SLF2: variants seen among roughly 807,000 people sequenced by gnomAD.
SLF2 encodes SMC5-SMC6 complex localization factor protein 2.
A neutral mutation model predicts 124.3 loss-of-function variants in SLF2; 68 were observed. That is an observed-to-expected ratio of 0.55 (90% CI 0.45 to 0.67). SLF2 has a LOEUF of 0.67. Ranked by LOEUF, SLF2 falls within the 30% of genes least tolerant of loss-of-function variation. The pLI is 0.00. For missense variants in SLF2, 1,246 were observed against 1,373.7 expected, an observed-to-expected ratio of 0.91 and a Z score of 1.47; for synonymous variants, 480 against 478.8, an observed-to-expected ratio of 1.00 and a Z score of -0.03.
chr10:100,919,201 C>T (rs1177467255), intron 4 of SLF2, among the ~76,000 whole-genome samples: 3 of 151,672 alleles, frequency 2.0e-5, no homozygotes, highest in Non-Finnish European at 4.4e-5. Context: ...TTAGTGGAGA[C>T]GGGGTTTCAC....
At chr10:100,956,613 C>T in intron 18 of SLF2, 76 bp downstream of exon 18, 1 of 1,089,440 alleles carries the variant, frequency 9.2e-7, no homozygotes, top group Non-Finnish European at 1.3e-6. Context: ...TAGAAGCATA[C>T]AGGCCTATAT....
At chr10:100,935,652 C>T (rs957803756) in intron 9 of SLF2, among the ~76,000 whole-genome samples, 2 of 151,684 alleles carry the variant, frequency 1.3e-5, no homozygotes, top group African/African-American at 4.8e-5. Flanking sequence ...TGCACTCCAG[C>T]CTGGGCAACA....
intron 6 of SLF2, 162 bp downstream of exon 6, chr10:100,926,181 T>C: frequency 6.4e-7 from 1 of 1,551,498 alleles, no homozygotes; most frequent in Non-Finnish European, 8.7e-7. Flanking sequence ...ACGCAGTGGC[T>C]CATGCCTGTA....
intron 9 of SLF2, 56 bp from the exon 10 acceptor site, chr10:100,937,346 T>G (rs1849884279): frequency 7.4e-7 from 1 of 1,352,264 alleles, no homozygotes; most frequent in Admixed American, 1.7e-5. Flanking sequence ...TAGCAAATAA[T>G]GAATGTTTGT....
chr10:100,916,953 C>G lies in SLF2; in HGVS notation c.568C>G (p.Arg190Gly). 1 of 1,614,072 alleles carries G rather than the reference C, an allele frequency of 6.2e-7. No homozygotes were observed. Among genetic ancestry groups the G allele is most frequent in the South Asian group, 1.1e-5 (1 of 91,078 alleles). The change falls in exon 3 of 20, where the codon CGA becomes GGA. Residue 190 changes from arginine (R) to glycine (G), a missense_variant. By Grantham distance (125) the Arg-to-Gly change is moderately radical (BLOSUM62 -2). This residue lies in a region of SLF2 where 698 missense variants were observed against 708.9 expected (regional missense o/e 0.98). Coordinates refer to ENST00000238961, the MANE Select transcript of SLF2 (RefSeq NM_018121.4). Reference protein sequence around the residue: ...HENNEKNDRDRGKTNADSKKQ... With the variant: ...HENNEKNDRDGGKTNADSKKQ... Reference sequence around the variant, plus strand: ...AAATAATGAGAAGAATGATAGAGATCGAGGCAAAACCAATGCAGACTCCAA... The same window carrying G: ...AAATAATGAGAAGAATGATAGAGATGGAGGCAAAACCAATGCAGACTCCAA...
chr10:100,947,254 C>A, intron 14 of SLF2, 118 bp downstream of exon 14: 1 of 552,114 alleles, frequency 1.8e-6, no homozygotes, highest in South Asian at 3.8e-5. Flanking sequence ...ATGTTTATTT[C>A]ATATTCAGTT....
chr10:100,956,673 C>A (rs1850336384), intron 18 of SLF2, 136 bp downstream of exon 18: 4 of 607,146 alleles, frequency 6.6e-6, no homozygotes, highest in African/African-American at 3.8e-5. Flanking sequence ...GCCTGTAATC[C>A]CAATACTTTG....
rs1488953763 is a variant in SLF2 at position 100,918,424 on chromosome 10, C to T, written c.956C>T (p.Ser319Leu). 2.5e-6 allele frequency: 4 copies of T among 1,592,040 alleles called. No homozygotes were observed. Among genetic ancestry groups the T allele is most frequent in the East Asian group, 2.3e-5 (1 of 44,272 alleles). ...HLSRKRSSSD[S>L]WEPTSAGSKQ... The stretch of plus-strand genomic sequence containing the variant: ...TCAAGAAAAAGATCCTCTTCTGATT[C>T]ATGGGAACCTACTTCAGGTAGAATC... Residue 319 changes from serine (S) to leucine (L), a missense_variant, in exon 4 of 20, where the codon TCA becomes TTA. Physicochemically the swap from Ser to Leu is moderately radical, Grantham distance 145 (BLOSUM62 -2). Coordinates refer to ENST00000238961, the MANE Select transcript of SLF2 (RefSeq NM_018121.4).
intron 9 of SLF2, 66 bp downstream of exon 9, chr10:100,931,144 C>T (rs1849727148): frequency 7.7e-7 from 1 of 1,296,424 alleles, no homozygotes. Context: ...AGCTTTTAAA[C>T]ATAATTTTAT....
At chr10:100,926,419 C>T in intron 6 of SLF2, 1 of 721,410 alleles carries the variant, frequency 1.4e-6, no homozygotes, top group Non-Finnish European at 2.1e-6. Flanking sequence ...GCCTGGGCAA[C>T]ATGGTGAAAC....
At chr10:100,941,959 C>G (rs1849989969) in intron 11 of SLF2, among the ~76,000 whole-genome samples, 1 of 152,164 alleles carries the variant, frequency 6.6e-6, no homozygotes, top group South Asian at 2.1e-4. Flanking sequence ...AGATACATTG[C>G]TAAGTGAGAA....
chr10:100,919,894 T>A lies in SLF2; in HGVS notation c.973+1453T>A, dbSNP rs560804180. ...AGTCAGTTCTAATTCCTCCTTCAGG[T>A]TTCATCTACTTCATTTTATTTATAT... On this transcript the variant is annotated intron_variant, in intron 4 of 19. Transcript: ENST00000238961. Among the ~76,000 whole-genome samples the A allele has an allele frequency of 2.6e-5, 4 of 152,322 alleles. No individual in the cohort carries two copies. The South Asian group carries it at 8.3e-4, about 32-fold the overall frequency.
Position 100,961,946 on chromosome 10 carries a change from G to A in SLF2, c.*34G>A. 6.3e-7 allele frequency: 1 copy of A among 1,586,656 alleles called. No individual in the cohort carries two copies. Among genetic ancestry groups the A allele is most frequent in the South Asian group, 1.1e-5 (1 of 88,246 alleles). On this transcript the variant is annotated 3_prime_UTR_variant, in exon 20 of 20. Coordinates refer to ENST00000238961, the MANE Select transcript of SLF2 (RefSeq NM_018121.4). ...GCAGCAGCAAAAATATGAACCAAGA[G>A]AAATTCAATAAGAGCCTTTCATAGA...
intron 4 of SLF2, among the ~76,000 whole-genome samples, chr10:100,918,778 T>C (rs1165039433): frequency 2.6e-5 from 4 of 152,012 alleles, no homozygotes; most frequent in Non-Finnish European, 5.9e-5. Context: ...TGTGGGCAAC[T>C]ATGCCTGGTT....
At position 100,962,948 on chromosome 10, in the gene SLF2, TTA is replaced by T. The variant is rs541064132; in HGVS notation, c.*1037_*1038del. The T allele has an allele frequency of 6.5e-3, 985 of 152,560 alleles. 8 individuals carry two copies. Among genetic ancestry groups the T allele is most frequent in the Non-Finnish European group, 7.8e-3 (529 of 68,012 alleles). 9.5% of individuals were successfully genotyped at this position (152,560 alleles called of 1,614,324 possible). A position where few individuals can be genotyped will look rare whatever the true frequency, so the allele number is the denominator to read the frequency against. On this transcript the variant is annotated 3_prime_UTR_variant, in exon 20 of 20. Coordinates refer to ENST00000238961, the MANE Select transcript of SLF2 (RefSeq NM_018121.4). ...AAACACTGGAGAGCCATCCTTTGGT[TTA>T]AATGGTAGAGGGTTAGTGGAAGTGC...
At position 100,935,621 on chromosome 10, in the gene SLF2, A is replaced by C. The variant is rs549728067; in HGVS notation, c.2437-1781A>C. ...CTTGAACCTGGGAGGCAGAGGTTGCAGTCAGCCAAGGTTGCACCACTGCAC... is the reference window on the plus strand; with the variant it reads ...CTTGAACCTGGGAGGCAGAGGTTGCCGTCAGCCAAGGTTGCACCACTGCAC... On this transcript the variant is annotated intron_variant, in intron 9 of 19. Coordinates refer to ENST00000238961, the MANE Select transcript of SLF2 (RefSeq NM_018121.4). 6.6e-5 allele frequency among the ~76,000 whole-genome samples: 10 copies of C among 152,028 alleles called. No individual in the cohort carries two copies. The East Asian group carries it at 1.9e-3, about 30-fold the overall frequency.
chr10:100,944,190 G>A (rs1850041400), intron 12 of SLF2, 62 bp downstream of exon 12: 2 of 1,163,838 alleles, frequency 1.7e-6, no homozygotes, highest in Non-Finnish European at 1.2e-6. Flanking sequence ...TGTGGTTAAT[G>A]GTTTTTAAAA....
intron 12 of SLF2, among the ~76,000 whole-genome samples, chr10:100,944,876 A>C (rs1328368319): frequency 6.6e-6 from 1 of 152,102 alleles, no homozygotes; most frequent in African/African-American, 2.4e-5. Flanking sequence ...AATACAAAAA[A>C]AAAATTAGTC....
At chr10:100,958,085 A>G (rs1850366266) in intron 18 of SLF2, among the ~76,000 whole-genome samples, 1 of 152,088 alleles carries the variant, frequency 6.6e-6, no homozygotes, top group Non-Finnish European at 1.5e-5. Context: ...AAATAAAATA[A>G]ACATACTTTT....
Sources: allele counts gnomAD v4.1 joint callset (sites outside exome capture counted in the v4.1 genomes callset), GRCh38; gene constraint gnomAD v4.1.1; regional missense constraint gnomAD v4.1.1; transcripts MANE v1.5; gene names NCBI Gene and HGNC (gene_info 2026-07-23, HGNC 2026-07-21).